Variants in HS3ST5 observed in about 807,000 individuals in gnomAD.
The protein encoded by HS3ST5 is heparan sulfate glucosamine 3-O-sulfotransferase 5.
HS3ST5 carries 10 observed loss-of-function variants against 25.4 expected under a neutral mutation model. The ratio of observed to expected loss-of-function variants is 0.39; its 90% CI spans 0.24 to 0.67. The LOEUF (loss-of-function observed/expected upper bound fraction) is 0.67, where lower values mean the gene tolerates loss of function less well. Ranked by LOEUF, HS3ST5 falls within the 30% of genes least tolerant of loss-of-function variation. The pLI is 0.44. For synonymous variants in HS3ST5, 170 were observed against 162.4 expected (o/e 1.05, Z -0.36); for missense variants, 324 against 420.7 (o/e 0.77, Z 2.01).
chr6:114,273,447 A>G (rs769893390), intron 1 of HS3ST5, among the ~76,000 whole-genome samples: 5 of 152,048 alleles, frequency 3.3e-5, no homozygotes, highest in Non-Finnish European at 5.9e-5. Context: ...GGTGAAAATT[A>G]TCAGCCTATT....
intron 3 of HS3ST5, among the ~76,000 whole-genome samples, chr6:114,113,883 G>A (rs1776393219): frequency 6.6e-6 from 1 of 151,960 alleles, no homozygotes; most frequent in Non-Finnish European, 1.5e-5. Context: ...TATGAAAGTA[G>A]GATGCCTGTG....
intron 3 of HS3ST5, among the ~76,000 whole-genome samples, chr6:114,115,544 A>T (rs1009347332): frequency 4.0e-5 from 6 of 151,842 alleles, no homozygotes; most frequent in African/African-American, 1.5e-4. Context: ...CATAGATGCC[A>T]GATTGAATCC....
At chr6:114,230,828 T>C (rs1771552728) in intron 1 of HS3ST5, among the ~76,000 whole-genome samples, 1 of 152,000 alleles carries the variant, frequency 6.6e-6, no homozygotes, top group South Asian at 2.1e-4. Context: ...GACCTCATGA[T>C]CCGCCCGCCT....
In HS3ST5 at chr6:114,094,748, G is replaced by A. The variant is rs138441492; in HGVS notation, c.-32-31871C>T. ...CCTGGTCCCTGATATTCATGCTTTT[G>A]TATAATCTCCTCCCCGTGAGTATGG... is the stretch of plus-strand genomic sequence containing the variant. On this transcript the variant is annotated intron_variant, in intron 3 of 4. Transcript: ENST00000312719. 8.5e-3 allele frequency among the ~76,000 whole-genome samples: 1,293 copies of A among 152,276 alleles called. 9 individuals are homozygous for A. Among genetic ancestry groups the A allele is most frequent in the Non-Finnish European group, 9.5e-3 (645 of 68,014 alleles).
chr6:114,194,317 C>T (rs1424295927), intron 2 of HS3ST5, among the ~76,000 whole-genome samples: 1 of 152,032 alleles, frequency 6.6e-6, no homozygotes, highest in Non-Finnish European at 1.5e-5. Context: ...AATTCTAAGC[C>T]CCCCTCCAAC....
At chr6:114,103,710 T>G (rs1297663306) in intron 3 of HS3ST5, among the ~76,000 whole-genome samples, 1 of 149,184 alleles carries the variant, frequency 6.7e-6, no homozygotes, top group Non-Finnish European at 1.5e-5. Context: ...CTTCTTTTTT[T>G]TTTTTTTTTT....
At chr6:114,215,101 C>T (rs923839477) in intron 2 of HS3ST5, among the ~76,000 whole-genome samples, 19 of 152,128 alleles carry the variant, frequency 1.2e-4, no homozygotes, top group South Asian at 6.2e-4. Flanking sequence ...GTCAGGAGAT[C>T]GAGACCATCC....
At chr6:114,160,083 C>T (rs1321578820) in intron 3 of HS3ST5, among the ~76,000 whole-genome samples, 1 of 152,062 alleles carries the variant, frequency 6.6e-6, no homozygotes, top group Admixed American at 6.6e-5. Context: ...ATAATTGTGA[C>T]AGGAATAAAA....
intron 3 of HS3ST5, chr6:114,142,845 G>A (rs1415585778): frequency 6.6e-6 from 1 of 152,142 alleles, no homozygotes; most frequent in Non-Finnish European, 1.5e-5. Flanking sequence ...CTTCTGGACT[G>A]CTACTAAGTA....
intron 1 of HS3ST5, among the ~76,000 whole-genome samples, chr6:114,326,039 T>C (rs1776159826): frequency 6.6e-6 from 1 of 151,378 alleles, no homozygotes; most frequent in African/African-American, 2.5e-5. Flanking sequence ...TAAATTGCAA[T>C]GCAATAATTT....
At chr6:114,211,439 G>C (rs947309369) in intron 2 of HS3ST5, among the ~76,000 whole-genome samples, 1 of 152,042 alleles carries the variant, frequency 6.6e-6, no homozygotes, top group East Asian at 1.9e-4. Flanking sequence ...GAGAGCCACT[G>C]GTTCCTATGA....
At chr6:114,074,519 G>A (rs1774006624) in intron 3 of HS3ST5, among the ~76,000 whole-genome samples, 1 of 152,060 alleles carries the variant, frequency 6.6e-6, no homozygotes, top group South Asian at 2.1e-4. Context: ...TAAAAAAGAA[G>A]GGGGCCTACC....
intron 1 of HS3ST5, among the ~76,000 whole-genome samples, chr6:114,324,654 A>G (rs997051737): frequency 6.6e-6 from 1 of 152,192 alleles, no homozygotes; most frequent in African/African-American, 2.4e-5. Flanking sequence ...TTGCCTCTTC[A>G]AGCCAAAGCC....
At chr6:114,318,761 T>C (rs978133170) in intron 1 of HS3ST5, among the ~76,000 whole-genome samples, 2 of 152,166 alleles carry the variant, frequency 1.3e-5, no homozygotes, top group Admixed American at 6.6e-5. Flanking sequence ...AATGAACCTC[T>C]TGGGGAAATA....
chr6:114,090,432 CCCCTCCT>C (rs1475920227), intron 3 of HS3ST5, among the ~76,000 whole-genome samples: 2 of 152,018 alleles, frequency 1.3e-5, no homozygotes, highest in African/African-American at 4.8e-5. Context: ...CTTTCCCTAC[CCCCTCCT>C]CCCTCCTCCC....
intron 2 of HS3ST5, among the ~76,000 whole-genome samples, chr6:114,188,121 G>A (rs1305716980): frequency 2.6e-5 from 4 of 152,022 alleles, no homozygotes; most frequent in East Asian, 3.9e-4. Flanking sequence ...CAATATCTCC[G>A]AGGTACGCCT....
At chr6:114,244,868 T>A (rs1323055) in intron 1 of HS3ST5, among the ~76,000 whole-genome samples, 5 of 151,902 alleles carry the variant, frequency 3.3e-5, no homozygotes, top group Admixed American at 1.3e-4. Context: ...TCACCTTACA[T>A]TTGCTTCCAT....
At chr6:114,265,808 C>T in intron 1 of HS3ST5, among the ~76,000 whole-genome samples, 1 of 152,266 alleles carries the variant, frequency 6.6e-6, no homozygotes, top group Non-Finnish European at 1.5e-5. Context: ...TTTCTGAATG[C>T]ATTTTCTAAA....
At position 114,248,217 on chromosome 6, in the gene HS3ST5, A is replaced by T. The variant is rs12524488; in HGVS notation, c.-338-19439T>A. Reference sequence around the variant, plus strand: ...TTCCATCTCAAAAAATGAAAAAAAAAATATATATATATATATATATAAAAT... The same window carrying T: ...TTCCATCTCAAAAAATGAAAAAAAATATATATATATATATATATATAAAAT... On this transcript the variant is annotated intron_variant, in intron 1 of 4. Transcript: ENST00000312719. Among the ~76,000 whole-genome samples, 603 of 143,138 alleles carry T rather than the reference A, an allele frequency of 4.2e-3. 4 individuals carry two copies. Among genetic ancestry groups the T allele is most frequent in the East Asian group, 0.027 (132 of 4,910 alleles). 93.9% of individuals were successfully genotyped at this position (143,138 alleles called of 152,430 possible).
Sources: gnomAD v4.1 joint callset for allele counts (sites outside exome capture counted in the v4.1 genomes callset) on GRCh38, gnomAD v4.1.1 for gene constraint, MANE v1.5 for transcripts, NCBI Gene and HGNC (gene_info 2026-07-23, HGNC 2026-07-21) for gene names.